The following GAB2 variants were observed in gnomAD, a reference collection of about 807,000 sequenced individuals.
GAB2 encodes GRB2 associated binding protein 2, also known as GRB2-associated-binding protein 2.
GAB2 carries 26 observed loss-of-function variants against 65.5 expected under a neutral mutation model. That is an observed-to-expected ratio of 0.40 (90% CI 0.29 to 0.55). GAB2 has a LOEUF of 0.55. Among genes scored for constraint, GAB2 ranks in the 20% least tolerant of loss-of-function variants. The pLI, the probability that GAB2 is intolerant of heterozygous loss-of-function variation, is 0.53. For missense variants in GAB2, 884 were observed against 875.8 expected, an observed-to-expected ratio of 1.01 and a Z score of -0.12; for synonymous variants, 321 against 329.6, an observed-to-expected ratio of 0.97 and a Z score of 0.28.
intron 1 of GAB2, among the ~76,000 whole-genome samples, chr11:78,407,526 G>C (rs969271415): frequency 3.3e-5 from 5 of 151,882 alleles, no homozygotes; most frequent in Non-Finnish European, 7.4e-5. Flanking sequence ...TCAGCTACTA[G>C]GGAGGCTGAG....
chr11:78,411,216 A>C (rs1857125163), intron 1 of GAB2, among the ~76,000 whole-genome samples: 1 of 152,122 alleles, frequency 6.6e-6, no homozygotes, highest in Non-Finnish European at 1.5e-5. Context: ...GACATATATA[A>C]ATAAATGTAA....
intron 2 of GAB2, among the ~76,000 whole-genome samples, chr11:78,257,160 T>C (rs1334999818): frequency 6.6e-6 from 1 of 152,148 alleles, no homozygotes; most frequent in Non-Finnish European, 1.5e-5. Context: ...CTGAAGGATT[T>C]CAGCCGAGGA....
Position 78,218,462 on chromosome 11 carries a change from G to A in GAB2, c.*810C>T, listed in dbSNP as rs1864255420. The A allele has an allele frequency of 6.6e-6, 1 of 152,492 alleles. No homozygotes were observed. The highest frequency in any genetic ancestry group is 1.5e-5 in the Non-Finnish European group (1 of 68,262). 9.4% of individuals were successfully genotyped at this position (152,492 alleles called of 1,614,324 possible). ...GCCCTTGGGCCTAGAGTGGCCTGTA[G>A]CTCCAGAGTTCTGGGGACCCAGACC... On this transcript the variant is annotated 3_prime_UTR_variant, in exon 10 of 10. Transcript: ENST00000361507.
At chr11:78,330,889 C>A (rs745656725) in intron 1 of GAB2, among the ~76,000 whole-genome samples, 21 of 151,518 alleles carry the variant, frequency 1.4e-4, no homozygotes, top group Non-Finnish European at 3.1e-4. Flanking sequence ...AATAGTAGAA[C>A]CAGGCTAGGT....
intron 1 of GAB2, among the ~76,000 whole-genome samples, chr11:78,360,804 A>C (rs1040213915): frequency 1.3e-5 from 2 of 152,178 alleles, no homozygotes; most frequent in Non-Finnish European, 2.9e-5. Context: ...AGTTGCAGTG[A>C]GCCAAGATCT....
chr11:78,219,277 G>A lies in GAB2; in HGVS notation c.2026C>T (p.Leu676=), dbSNP rs750329481. 1.2e-6 allele frequency: 2 copies of A among 1,613,256 alleles called. No homozygotes were observed. The highest frequency in any genetic ancestry group is 2.7e-5 in the African/African-American group (2 of 75,008). Residue 676 remains leucine, a synonymous_variant, in exon 10 of 10, where the codon CTG becomes TTG. Transcript: ENST00000361507. The part of the protein sequence containing the change: ...QSSEPSKGAK[L] ...GCTCTGCGGTGGCCCTCTCATCACA[G>A]CTTGGCACCCTTGGAAGGCTCTGAG...
intron 1 of GAB2, among the ~76,000 whole-genome samples, chr11:78,380,091 A>G (rs1249647610): frequency 6.6e-6 from 1 of 152,246 alleles, no homozygotes; most frequent in Non-Finnish European, 1.5e-5. Flanking sequence ...TTTTTTGTGT[A>G]TGCAAGAGAG....
At chr11:78,354,442 T>C (rs1856327047) in intron 1 of GAB2, among the ~76,000 whole-genome samples, 2 of 151,806 alleles carry the variant, frequency 1.3e-5, no homozygotes, top group Non-Finnish European at 2.9e-5. Context: ...ATATATATTA[T>C]ATATATATAC....
chr11:78,384,823 C>A (rs1359717923), intron 1 of GAB2, among the ~76,000 whole-genome samples: 4 of 152,216 alleles, frequency 2.6e-5, no homozygotes, highest in Admixed American at 6.5e-5. Context: ...TGTGCATGTT[C>A]AACAGATTTT....
intron 1 of GAB2, among the ~76,000 whole-genome samples, chr11:78,360,290 C>A (rs866745519): frequency 6.6e-6 from 1 of 151,832 alleles, no homozygotes; most frequent in Non-Finnish European, 1.5e-5. Context: ...TACTAAGGGC[C>A]TGGCATGATA....
At chr11:78,338,756 T>A (rs1366648164) in intron 1 of GAB2, among the ~76,000 whole-genome samples, 1 of 152,214 alleles carries the variant, frequency 6.6e-6, no homozygotes, top group East Asian at 1.9e-4. Flanking sequence ...AGTCATCCCA[T>A]GATTGTCACA....
At chr11:78,368,999 A>T (rs1856533994) in intron 1 of GAB2, among the ~76,000 whole-genome samples, 1 of 151,926 alleles carries the variant, frequency 6.6e-6, no homozygotes, top group African/African-American at 2.4e-5. Flanking sequence ...ATTTACGGGC[A>T]TGGTGGCATG....
intron 2 of GAB2, among the ~76,000 whole-genome samples, chr11:78,260,042 A>C (rs1220369182): frequency 1.3e-5 from 2 of 152,262 alleles, no homozygotes; most frequent in Non-Finnish European, 2.9e-5. Flanking sequence ...TTTGTGGATC[A>C]AAGTACTAAA....
At chr11:78,326,597 C>CA (rs547722181) in intron 1 of GAB2, among the ~76,000 whole-genome samples, 1 of 151,914 alleles carries the variant, frequency 6.6e-6, no homozygotes, top group Non-Finnish European at 1.5e-5. Context: ...TATCTTTTTC[C>CA]AAAAAAAGAG....
chr11:78,356,219 T>C (rs1439961534), intron 1 of GAB2, among the ~76,000 whole-genome samples: 2 of 149,910 alleles, frequency 1.3e-5, no homozygotes, highest in Non-Finnish European at 3.0e-5. Context: ...GAAGGGGTGA[T>C]GTTTAGAAAT....
chr11:78,241,811 A>T (rs1277063373), intron 3 of GAB2, among the ~76,000 whole-genome samples: 4 of 152,248 alleles, frequency 2.6e-5, no homozygotes, highest in Admixed American at 6.5e-5. Flanking sequence ...AGACTTATGG[A>T]ACACCATTAA....
chr11:78,398,953 C>T (rs914353822), intron 1 of GAB2, among the ~76,000 whole-genome samples: 15 of 152,182 alleles, frequency 9.9e-5, no homozygotes, highest in Non-Finnish European at 1.8e-4. Context: ...GACAATCTGA[C>T]TTTCAATAAG....
chr11:78,380,105 C>T (rs1591076038), intron 1 of GAB2, among the ~76,000 whole-genome samples: 2 of 152,102 alleles, frequency 1.3e-5, no homozygotes, highest in Admixed American at 6.5e-5. Flanking sequence ...AAGAGAGTGC[C>T]GGACTATAAA....
intron 1 of GAB2, among the ~76,000 whole-genome samples, chr11:78,379,320 T>C (rs1339135571): frequency 1.3e-5 from 2 of 152,250 alleles, no homozygotes; most frequent in East Asian, 3.8e-4. Flanking sequence ...TATTAAAAGA[T>C]CTCAAGGCAC....
Sources: gnomAD v4.1 joint callset for allele counts (sites outside exome capture counted in the v4.1 genomes callset) on GRCh38, gnomAD v4.1.1 for gene constraint, MANE v1.5 for transcripts, NCBI Gene and HGNC (gene_info 2026-07-23, HGNC 2026-07-21) for gene names.